Variants in PTPN23 observed in about 807,000 individuals in gnomAD.
The protein encoded by PTPN23 is tyrosine-protein phosphatase non-receptor type 23.
In PTPN23, 72 loss-of-function variants were observed where a neutral mutation model predicts 156.3. That is an observed-to-expected ratio of 0.46 (90% CI 0.38 to 0.56). The LOEUF (loss-of-function observed/expected upper bound fraction) is 0.56. Ranked by LOEUF, PTPN23 falls within the 20% of genes least tolerant of loss-of-function variation. PTPN23 has a pLI of 0.00. For missense variants in PTPN23, 1,974 were observed against 2,171.5 expected (o/e 0.91, Z 1.81); for synonymous variants, 957 against 899.6 (o/e 1.06, Z -1.14).
Position 47,407,416 on chromosome 3 carries a change from G to A in PTPN23, c.923+49G>A, listed in dbSNP as rs773440505. ...GTTCCCTCTTTTTGTGAAGGGTCTT[G>A]TCCCTCTGCTGGCATCTACATGGGA... On this transcript the variant is annotated intron_variant, in intron 11 of 24. Transcript: ENST00000265562. The surrounding 1 kb of genome is among the most constrained non-coding windows in gnomAD (Gnocchi z 4.0). The A allele has an allele frequency of 2.2e-5, 35 of 1,611,026 alleles. No individual in the cohort carries two copies. In the Admixed American group the frequency reaches 5.3e-4, roughly 25 times the overall value.
Position 47,410,711 on chromosome 3 carries a change from C to T in PTPN23, c.2913C>T (p.Pro971=), listed in dbSNP as rs1234097642. 3.1e-6 allele frequency: 5 copies of T among 1,590,612 alleles called. No individual in the cohort carries two copies. The highest frequency in any genetic ancestry group is 1.7e-5 in the Admixed American group (1 of 57,332). ...CTTCACAAGCGTTTGGGCCTCAGCC[C>T]CCACAGCAGCCCCTTCCACTCCAGC... ...PHPSQAFGPQ[P]PQQPLPLQHP... is the part of the protein sequence containing the mutation. Residue 971 remains proline (P), a synonymous_variant, in exon 20 of 25, where the codon CCC becomes CCT. Transcript: ENST00000265562.
In PTPN23 at chr3:47,405,115, C is replaced by A; in HGVS notation, c.364+34C>A. ...CCTGATCCCTTCCCCCGGCCCTACT[C>A]CCCAGTCCTGCCAGCCTAGCTTTCA... On this transcript the variant is annotated intron_variant, in intron 4 of 24. Coordinates refer to ENST00000265562, the MANE Select transcript of PTPN23 (RefSeq NM_015466.4). This position sits in a 1 kb window ranked among gnomAD's most constrained non-coding sequence, Gnocchi z 4.7. The A allele has an allele frequency of 6.3e-7, 1 of 1,596,468 alleles. No individual in the cohort carries two copies. The highest frequency in any genetic ancestry group is 1.3e-5 in the African/African-American group (1 of 74,704).
chr3:47,385,174 C>A (rs1009386015), intron 1 of PTPN23, among the ~76,000 whole-genome samples: 8 of 152,162 alleles, frequency 5.3e-5, no homozygotes, highest in African/African-American at 1.9e-4. Context: ...TGACTCTTGT[C>A]CTCTTTATCA....
chr3:47,408,066 GTTT>G, intron 14 of PTPN23, 111 bp downstream of exon 14: 1 of 1,333,544 alleles, frequency 7.5e-7, no homozygotes, highest in Non-Finnish European at 1.0e-6. Flanking sequence ...TTCCAAACAG[GTTT>G]CCCAATGCTG....
Position 47,405,142 on chromosome 3 carries a change from C to A in PTPN23, c.364+61C>A. 2 of 1,509,248 alleles carry A rather than the reference C, an allele frequency of 1.3e-6. No individual in the cohort carries two copies. Among genetic ancestry groups the A allele is most frequent in the Non-Finnish European group, 1.8e-6 (2 of 1,085,282 alleles). 93.5% of individuals were successfully genotyped at this position (1,509,248 alleles called of 1,614,324 possible). A position where few individuals can be genotyped will look rare whatever the true frequency, so the allele number is the denominator to read the frequency against. On this transcript the variant is annotated intron_variant, in intron 4 of 24. Transcript: ENST00000265562. The surrounding 1 kb of genome is among the most constrained non-coding windows in gnomAD (Gnocchi z 4.7). The stretch of plus-strand genomic sequence containing the variant: ...CCAGTCCTGCCAGCCTAGCTTTCAG[C>A]TCTTCAGATGGCCACAAAGGCAGTG...
At position 47,405,276 on chromosome 3, in the gene PTPN23, G is replaced by T; in HGVS notation, c.364+195G>T. 1 of 608,818 alleles carries T rather than the reference G, an allele frequency of 1.6e-6. No individual in the cohort carries two copies. Among genetic ancestry groups the T allele is most frequent in the Admixed American group, 2.8e-5 (1 of 36,158 alleles). 37.7% of individuals were successfully genotyped at this position (608,818 alleles called of 1,614,324 possible). ...CTGGGCCCGTGGGGAGCCTCTGCTG[G>T]GGCGAGGCTCTACTGGGCTGGCTGC... On this transcript the variant is annotated intron_variant, in intron 4 of 24. Transcript: ENST00000265562. This position sits in a 1 kb window ranked among gnomAD's most constrained non-coding sequence, Gnocchi z 4.7.
chr3:47,383,021 G>C (rs143995914), intron 1 of PTPN23, among the ~76,000 whole-genome samples: 1 of 151,876 alleles, frequency 6.6e-6, no homozygotes, highest in Non-Finnish European at 1.5e-5. Flanking sequence ...GAATAGATCC[G>C]GTATCTTTTT....
chr3:47,381,850 C>T (rs746845337), intron 1 of PTPN23, among the ~76,000 whole-genome samples: 1 of 152,130 alleles, frequency 6.6e-6, no homozygotes, highest in African/African-American at 2.4e-5. Flanking sequence ...AGAAATCTTA[C>T]TGTGTTGGAA....
In PTPN23 at chr3:47,411,935, T is replaced by C; in HGVS notation, c.4041T>C (p.Leu1347=). Residue 1347 remains leucine, a synonymous_variant, in exon 21 of 25, where the codon CTT becomes CTC. Coordinates refer to ENST00000265562, the MANE Select transcript of PTPN23 (RefSeq NM_015466.4). The surrounding 1 kb of genome is among the most constrained non-coding windows in gnomAD (Gnocchi z 6.3). ...GAGACCAGAGCCTCAAGCGCTCTCT[T>C]GTGCACCTGCACTTCCCCACTTGGC... ...QFRDQSLKRS[L]VHLHFPTWPE... 1 of 1,613,042 alleles carries C rather than the reference T, an allele frequency of 6.2e-7. No individual in the cohort carries two copies. The highest frequency in any genetic ancestry group is 8.5e-7 in the Non-Finnish European group (1 of 1,179,716).
Sources: allele counts gnomAD v4.1 joint callset (sites outside exome capture counted in the v4.1 genomes callset), GRCh38; gene constraint gnomAD v4.1.1; non-coding constraint Gnocchi (gnomAD v3.1); transcripts MANE v1.5; gene names NCBI Gene and HGNC (gene_info 2026-07-23, HGNC 2026-07-21).